Variants in PPP2R2B observed in about 807,000 individuals in gnomAD.
PPP2R2B encodes the protein protein phosphatase 2 regulatory subunit Bbeta.
PPP2R2B carries 5 observed loss-of-function variants against 46.0 expected under a neutral mutation model. The ratio of observed to expected loss-of-function variants is 0.11; its 90% CI spans 0.06 to 0.23. PPP2R2B has a LOEUF of 0.23. PPP2R2B is among the 10% of genes least tolerant of loss of function. PPP2R2B has a pLI of 1.00. For missense variants in PPP2R2B, 367 were observed against 575.0 expected, an observed-to-expected ratio of 0.64 and a Z score of 3.70; for synonymous variants, 215 against 206.7, an observed-to-expected ratio of 1.04 and a Z score of -0.34.
At chr5:146,976,123 A>ATTATTG (rs1554081735) in intron 1 of PPP2R2B, among the ~76,000 whole-genome samples, 5 of 146,206 alleles carry the variant, frequency 3.4e-5, no homozygotes, top group African/African-American at 1.2e-4. Context: ...TATTATTATT[A>ATTATTG]TTATTATTAT....
intron 2 of PPP2R2B, among the ~76,000 whole-genome samples, chr5:147,077,274 A>T (rs1227393515): frequency 1.1e-5 from 1 of 90,372 alleles, no homozygotes; most frequent in South Asian, 3.7e-4. Flanking sequence ...GTATGTGTGT[A>T]TACACACACA....
At chr5:146,989,729 A>G (rs1753602260) in intron 1 of PPP2R2B, among the ~76,000 whole-genome samples, 1 of 152,104 alleles carries the variant, frequency 6.6e-6, no homozygotes, top group South Asian at 2.1e-4. Context: ...TTGACATAGT[A>G]CTGAATATTC....
chr5:146,718,161 T>C (rs1387297845), intron 2 of PPP2R2B, among the ~76,000 whole-genome samples: 2 of 152,104 alleles, frequency 1.3e-5, no homozygotes, highest in Admixed American at 6.6e-5. Flanking sequence ...AGCCCAATGT[T>C]TGACACATAG....
chr5:146,972,703 C>T (rs1752714687), intron 1 of PPP2R2B, among the ~76,000 whole-genome samples: 1 of 152,040 alleles, frequency 6.6e-6, no homozygotes, highest in African/African-American at 2.4e-5. Flanking sequence ...GAGAGTAAGA[C>T]TCCATCTCAA....
chr5:146,718,912 T>C (rs1241040540), intron 2 of PPP2R2B, among the ~76,000 whole-genome samples: 2 of 152,200 alleles, frequency 1.3e-5, no homozygotes, highest in African/African-American at 2.4e-5. Context: ...AGCAAAGTGA[T>C]GCAGTGAAGG....
intron 2 of PPP2R2B, among the ~76,000 whole-genome samples, chr5:146,710,234 G>A (rs1780142397): frequency 6.6e-6 from 1 of 152,134 alleles, no homozygotes; most frequent in Admixed American, 6.5e-5. Context: ...CCCTCTTTAG[G>A]AGCCAAGCTT....
chr5:146,825,854 G>A (rs1758547012), intron 2 of PPP2R2B, among the ~76,000 whole-genome samples: 1 of 152,094 alleles, frequency 6.6e-6, no homozygotes, highest in African/African-American at 2.4e-5. Context: ...TTTTTTTGTT[G>A]TTGGTATCAC....
intron 1 of PPP2R2B, among the ~76,000 whole-genome samples, chr5:147,002,624 AG>A (rs1319225416): frequency 1.3e-5 from 2 of 150,684 alleles, no homozygotes; most frequent in Non-Finnish European, 1.5e-5. Flanking sequence ...TGCATCAGTA[AG>A]GGCCACTAAA....
At chr5:146,764,800 C>CGA (rs67810307) in intron 2 of PPP2R2B, among the ~76,000 whole-genome samples, 7,343 of 149,882 alleles carry the variant, frequency 0.049, 188 homozygotes, top group African/African-American at 0.072. Flanking sequence ...ATCTCTATCC[C>CGA]GAGAGAGAGA....
At chr5:147,004,125 A>G (rs1026225360) in intron 1 of PPP2R2B, among the ~76,000 whole-genome samples, 1 of 152,176 alleles carries the variant, frequency 6.6e-6, no homozygotes, top group Non-Finnish European at 1.5e-5. Flanking sequence ...TTGGTGGTTC[A>G]GAGAGGACAG....
intron 1 of PPP2R2B, among the ~76,000 whole-genome samples, chr5:147,049,226 G>A (rs1476558206): frequency 6.6e-6 from 1 of 152,116 alleles, no homozygotes; most frequent in African/African-American, 2.4e-5. Context: ...TTTTTAGGAG[G>A]TGAAGCCCAA....
At chr5:146,873,358 AC>A (rs1761719883) in intron 2 of PPP2R2B, among the ~76,000 whole-genome samples, 1 of 152,152 alleles carries the variant, frequency 6.6e-6, no homozygotes, top group Non-Finnish European at 1.5e-5. Context: ...TGGCTCTCTA[AC>A]CCCATCCTAC....
rs1770294902 is a variant in PPP2R2B at position 146,588,580 on chromosome 5, T to TAA, written c.*1365_*1366dup. 1 of 149,536 alleles carries TAA rather than the reference T, an allele frequency of 6.7e-6. No homozygotes were observed. The highest frequency in any genetic ancestry group is 1.5e-5 in the Non-Finnish European group (1 of 68,026). The allele number at this position is 149,536 out of a possible 1,614,324, so 9.3% of individuals were successfully genotyped here. A position where few individuals can be genotyped will look rare whatever the true frequency, so the allele number is the denominator to read the frequency against. On this transcript the variant is annotated 3_prime_UTR_variant, in exon 10 of 10. Transcript: ENST00000394411. ...TCTGGACTCCACCCATCTACTTTCCTAAGTTTATAAATCCTTTGCATGCAT... is the reference window on the plus strand; with the variant it reads ...TCTGGACTCCACCCATCTACTTTCCTAAAAGTTTATAAATCCTTTGCATGCAT...
At chr5:146,917,148 A>C (rs551998346) in intron 1 of PPP2R2B, among the ~76,000 whole-genome samples, 25 of 152,286 alleles carry the variant, frequency 1.6e-4, no homozygotes, top group African/African-American at 5.8e-4. Flanking sequence ...CTTTGAGTCT[A>C]TTTGCTGATT....
In PPP2R2B at chr5:146,673,220, G is replaced by GT. The variant is rs550637277; in HGVS notation, c.447+17907dup. ...ACCTGATAATTTGGCATGGCACATT[G>GT]TTTTTCCAGAATCTATCTTACCACA... On this transcript the variant is annotated intron_variant, in intron 5 of 9. Transcript: ENST00000394411. Among the ~76,000 whole-genome samples the GT allele has an allele frequency of 4.3e-3, 649 of 152,280 alleles. 6 individuals are homozygous for GT. Among genetic ancestry groups the GT allele is most frequent in the African/African-American group, 0.015 (628 of 41,554 alleles).
chr5:146,966,440 C>G (rs185376769), intron 1 of PPP2R2B, among the ~76,000 whole-genome samples: 1 of 152,248 alleles, frequency 6.6e-6, no homozygotes, highest in East Asian at 1.9e-4. Context: ...CAAACTGACA[C>G]AAAGACCTGA....
At chr5:146,706,888 A>T in intron 2 of PPP2R2B, 1 of 1,267,888 alleles carries the variant, frequency 7.9e-7, no homozygotes, top group Non-Finnish European at 1.1e-6. Flanking sequence ...ACAGCACCAC[A>T]GACGTGTCCG....
intron 2 of PPP2R2B, 39 bp downstream of exon 2, chr5:146,877,963 C>A: frequency 6.3e-7 from 1 of 1,598,346 alleles, no homozygotes; most frequent in Non-Finnish European, 8.5e-7. Context: ...GCAACTTGCG[C>A]CCGGCCCCAA....
chr5:146,935,844 T>A (rs547799197), intron 1 of PPP2R2B, among the ~76,000 whole-genome samples: 26 of 152,322 alleles, frequency 1.7e-4, no homozygotes, highest in Non-Finnish European at 2.9e-4. Context: ...GGTCTGCATA[T>A]GCTTGGACTC....
Sources: gnomAD v4.1 joint callset for allele counts (sites outside exome capture counted in the v4.1 genomes callset) on GRCh38, gnomAD v4.1.1 for gene constraint, MANE v1.5 for transcripts, NCBI Gene and HGNC (gene_info 2026-07-23, HGNC 2026-07-21) for gene names.